The following ANKRD62 variants were observed in gnomAD, a reference collection of about 807,000 sequenced individuals.
The protein encoded by ANKRD62 is ankyrin repeat domain-containing protein 62.
Under a neutral mutation model 98.8 loss-of-function variants are expected in ANKRD62, and 61 were observed. The ratio of observed to expected loss-of-function variants is 0.62; its 90% CI spans 0.50 to 0.76. ANKRD62 has a LOEUF of 0.76. Among genes scored for constraint, ANKRD62 ranks in the 30% least tolerant of loss-of-function variants. ANKRD62 has a pLI of 0.00. For missense variants in ANKRD62, 933 were observed against 1,082.9 expected, an observed-to-expected ratio of 0.86 and a Z score of 1.94; for synonymous variants, 341 against 367.9, an observed-to-expected ratio of 0.93 and a Z score of 0.84.
chr18:12,166,675 G>T, the ANKRD62 span, among the ~76,000 whole-genome samples: 1 of 151,868 alleles, frequency 6.6e-6, no homozygotes, highest in African/African-American at 2.4e-5. Flanking sequence ...TTCCTAAATG[G>T]TCTTGATACT....
chr18:12,100,462 A>T lies in ANKRD62; in HGVS notation c.820+780A>T, dbSNP rs535540903. Among the ~76,000 whole-genome samples the T allele has an allele frequency of 2.7e-4, 41 of 152,274 alleles. No homozygotes were observed. In the South Asian group the frequency reaches 8.5e-3, roughly 32 times the overall value. ...AGAGGCAGAAGAAAGTCTGCAGATG[A>T]GCGGGCCCTTGCAGTTCAAACCTGT... On this transcript the variant is annotated intron_variant, in intron 6 of 13. Transcript: ENST00000587848.
At chr18:12,098,354 T>G (rs1909226824) in intron 5 of ANKRD62, 1 of 152,266 alleles carries the variant, frequency 6.6e-6, no homozygotes, top group Admixed American at 6.5e-5. Context: ...CTGTCTCAAG[T>G]AGGTGAGTTG....
intron 10 of ANKRD62, among the ~76,000 whole-genome samples, chr18:12,120,643 A>G (rs181729179): frequency 6.6e-6 from 1 of 152,262 alleles, no homozygotes; most frequent in Admixed American, 6.5e-5. Flanking sequence ...GATATTCAAT[A>G]TAGTTGTTTG....
chr18:12,107,295 G>T lies in ANKRD62; in HGVS notation c.892G>T (p.Val298Phe). The T allele has an allele frequency of 3.4e-6, 5 of 1,487,212 alleles. No homozygotes were observed. The highest frequency in any genetic ancestry group is 4.4e-6 in the Non-Finnish European group (5 of 1,126,138). 92.1% of individuals were successfully genotyped at this position (1,487,212 alleles called of 1,614,324 possible). ...TCTCAGTATGAAACTTTCATTGAAGGTTGAAGAAAAAATGAAGAAATGCAG... is the reference window on the plus strand; with the variant it reads ...TCTCAGTATGAAACTTTCATTGAAGTTTGAAGAAAAAATGAAGAAATGCAG... ...LEGCESSQPQ[V>F]EEKMKKCRNK... Residue 298 changes from valine (V) to phenylalanine (F), a missense_variant and splice_region_variant, in exon 8 of 14, where the codon GTT (valine) becomes TTT (phenylalanine). Val to Phe is a conservative substitution (Grantham distance 50, BLOSUM62 -1). This residue lies in a region of ANKRD62 where 549 missense variants were observed against 587.9 expected (regional missense o/e 0.93). Coordinates refer to ENST00000587848, the MANE Select transcript of ANKRD62 (RefSeq NM_001277333.2).
rs763491780 is a variant in ANKRD62 at position 12,126,116 on chromosome 18, C to T, written c.2295C>T (p.Tyr765=). 2.7e-5 allele frequency: 41 copies of T among 1,535,536 alleles called. 1 individual carries two copies. Among genetic ancestry groups the T allele is most frequent in the South Asian group, 2.3e-4 (19 of 84,066 alleles). ...ATGACCAACCTATTTTGGAAAAATA[C>T]GTGAGAAAGCAGCAATCTGTAGAGG... ...YQNDQPILEK[Y]VRKQQSVEDG... The change falls in exon 13 of 14, where the codon TAC becomes TAT. Residue 765 remains tyrosine, a synonymous_variant. Transcript: ENST00000587848.
rs1909965314 is a variant in ANKRD62, at chr18:12,129,550, A to T, written c.*1611A>T. The T allele has an allele frequency of 2.0e-5, 3 of 152,344 alleles. No individual in the cohort carries two copies. Among genetic ancestry groups the T allele is most frequent in the Admixed American group, 2.0e-4 (3 of 15,280 alleles). 9.4% of individuals were successfully genotyped at this position (152,344 alleles called of 1,614,324 possible). A position where few individuals can be genotyped will look rare whatever the true frequency, so the allele number is the denominator to read the frequency against. On this transcript the variant is annotated 3_prime_UTR_variant, in exon 14 of 14. Transcript: ENST00000587848. ...ATCATGAGGTCAGGAGATCAAGGCC[A>T]TCCTGGCTAACACGGTGAAACCCCG...
intron 12 of ANKRD62, 27 bp from the exon 13 acceptor site, chr18:12,125,433 G>C: frequency 7.0e-7 from 1 of 1,430,372 alleles, no homozygotes; most frequent in Non-Finnish European, 9.1e-7. Flanking sequence ...TTGGGTGCTA[G>C]TTGAGAGTTT....
the ANKRD62 span, among the ~76,000 whole-genome samples, chr18:12,159,381 G>A: frequency 6.6e-6 from 1 of 152,118 alleles, no homozygotes; most frequent in Non-Finnish European, 1.5e-5. Context: ...TGAATTTAAT[G>A]TACAAAATTT....
rs1909309336 is a variant in ANKRD62 at position 12,101,993 on chromosome 18, A to G, written c.821-1165A>G. The G allele has an allele frequency of 2.4e-6, 3 of 1,227,188 alleles. No individual in the cohort carries two copies. In the Admixed American group the frequency reaches 5.0e-5, roughly 21 times the overall value. 76.0% of individuals were successfully genotyped at this position (1,227,188 alleles called of 1,614,324 possible). A position where few individuals can be genotyped will look rare whatever the true frequency, so the allele number is the denominator to read the frequency against. ...TTCAAAGTATTAAGTCAGAAAGGTC[A>G]GAGCTTCCACAGCGTGGCAACAGCT... is the stretch of plus-strand genomic sequence containing the variant. On this transcript the variant is annotated intron_variant, in intron 6 of 13. Transcript: ENST00000587848.
chr18:12,113,354 A>G (rs1909589560), intron 8 of ANKRD62, among the ~76,000 whole-genome samples: 1 of 152,092 alleles, frequency 6.6e-6, no homozygotes, highest in Non-Finnish European at 1.5e-5. Flanking sequence ...CAGGCTGGGC[A>G]TGGTGGCTCA....
In ANKRD62 at chr18:12,099,615, C is replaced by G; in HGVS notation, c.753C>G (p.Ala251=). ...GTATTTACTGCATTTTGATACATAGCATTCGTGGAATGATTTCTGAATATA... is the reference window on the plus strand; with the variant it reads ...GTATTTACTGCATTTTGATACATAGGATTCGTGGAATGATTTCTGAATATA... ...EDYAVASKFQ[A]IRGMISEYKA... is the part of the protein sequence containing the mutation. The change falls in exon 6 of 14, where the codon GCC becomes GCG. Residue 251 remains alanine (A), a splice_region_variant and synonymous_variant. Coordinates refer to ENST00000587848, the MANE Select transcript of ANKRD62 (RefSeq NM_001277333.2). The G allele has an allele frequency of 6.8e-7, 1 of 1,476,564 alleles. No homozygotes were observed. The highest frequency in any genetic ancestry group is 9.0e-7 in the Non-Finnish European group (1 of 1,114,302). The allele number at this position is 1,476,564 out of a possible 1,614,324, so 91.5% of individuals were successfully genotyped here. A position where few individuals can be genotyped will look rare whatever the true frequency, so the allele number is the denominator to read the frequency against.
the ANKRD62 span, among the ~76,000 whole-genome samples, chr18:12,170,262 C>A: frequency 6.0e-3 from 913 of 152,254 alleles, 7 homozygotes; most frequent in African/African-American, 0.02. Flanking sequence ...CTCTTGTGGG[C>A]ATTTAGTGCC....
intron 10 of ANKRD62, among the ~76,000 whole-genome samples, chr18:12,122,008 T>C (rs1212005973): frequency 6.6e-6 from 1 of 152,166 alleles, no homozygotes; most frequent in Non-Finnish European, 1.5e-5. Flanking sequence ...CTGAGCCAAG[T>C]ATAGGTCAGA....
At chr18:12,134,219 GC>G (rs1177988190), downstream of ANKRD62, among the ~76,000 whole-genome samples, 15 of 152,286 alleles carry the variant, frequency 9.8e-5, no homozygotes, top group Admixed American at 9.8e-4. Context: ...ACCAACAGCT[GC>G]CATGTCATTA....
the ANKRD62 span, among the ~76,000 whole-genome samples, chr18:12,157,328 G>A: frequency 5.3e-5 from 8 of 152,266 alleles, no homozygotes; most frequent in Admixed American, 5.2e-4. Context: ...TGATCAAAAT[G>A]TAGAACATTT....
the ANKRD62 span, among the ~76,000 whole-genome samples, chr18:12,169,505 T>A: frequency 6.6e-6 from 1 of 152,232 alleles, no homozygotes; most frequent in Non-Finnish European, 1.5e-5. Flanking sequence ...GTGGATAAAC[T>A]TTTTGATGTG....
the ANKRD62 span, among the ~76,000 whole-genome samples, chr18:12,170,511 C>T: frequency 1.3e-5 from 2 of 152,190 alleles, no homozygotes; most frequent in Non-Finnish European, 2.9e-5. Context: ...GTTATAATTT[C>T]TGTGCTTTTG....
chr18:12,145,772 T>C, the ANKRD62 span, among the ~76,000 whole-genome samples: 1 of 151,592 alleles, frequency 6.6e-6, no homozygotes, highest in East Asian at 2.0e-4. Context: ...CAGACCAACC[T>C]GCGGCAGAAG....
At chr18:12,140,713 G>C in the ANKRD62 span, among the ~76,000 whole-genome samples, 2 of 152,150 alleles carry the variant, frequency 1.3e-5, no homozygotes, top group Non-Finnish European at 2.9e-5. Context: ...TGGAAGTTTT[G>C]TCTCAGAGGA....
Sources: gnomAD v4.1 joint callset for allele counts (sites outside exome capture counted in the v4.1 genomes callset) on GRCh38, gnomAD v4.1.1 for gene constraint, gnomAD v4.1.1 regional missense constraint, MANE v1.5 for transcripts, NCBI Gene and HGNC (gene_info 2026-07-23, HGNC 2026-07-21) for gene names.